Variants in TPBG observed in about 807,000 individuals in gnomAD.
TPBG encodes 5T4 oncofetal antigen.
TPBG carries 13 observed loss-of-function variants against 19.3 expected under a neutral mutation model. The observed-to-expected ratio is 0.67, with a 90% confidence interval of 0.44 to 1.07. The LOEUF (loss-of-function observed/expected upper bound fraction) is 1.07. TPBG is among the 50% of genes least tolerant of loss of function. TPBG has a pLI of 0.00. For missense variants in TPBG, 642 were observed against 559.6 expected, an observed-to-expected ratio of 1.15 and a Z score of -1.49; for synonymous variants, 338 against 259.8, an observed-to-expected ratio of 1.30 and a Z score of -2.89.
chr6:82,365,543 C>A lies in TPBG; in HGVS notation c.582C>A (p.Ser194Arg). 6.3e-7 allele frequency: 1 copy of A among 1,575,182 alleles called. No homozygotes were observed. Among genetic ancestry groups the A allele is most frequent in the Non-Finnish European group, 8.6e-7 (1 of 1,162,200 alleles). The change falls in exon 2 of 2, where the codon AGC (serine) becomes AGA (arginine). Residue 194 changes from serine to arginine, a missense_variant. Coordinates refer to ENST00000369750, the MANE Select transcript of TPBG (RefSeq NM_001376922.1). ...CTGAAGATGAGCGGCAGAACCGGAG[C>A]TTCGAGGGCATGGTGGTGGCGGCCC... ...VPPEDERQNR[S>R]FEGMVVAALL...
chr6:82,366,155 GT>G lies in TPBG; in HGVS notation c.1195del (p.Tyr399IlefsTer13). On this transcript the variant is annotated frameshift_variant, in exon 2 of 2. Transcript: ENST00000369750. LOFTEE classifies it high-confidence loss of function. ...RDACRDHMEGYHYRYEINADP... is the reference protein window; with the variant it reads ...RDACRDHMEGXHYRYEINADP... ...ATGCCTGCAGGGATCACATGGAAGGGTATCATTACAGATATGAAATCAATGC... is the reference window on the plus strand; with the variant it reads ...ATGCCTGCAGGGATCACATGGAAGGGATCATTACAGATATGAAATCAATGC... 8 of 1,613,376 alleles carry G rather than the reference GT, an allele frequency of 5.0e-6. No homozygotes were observed. Among genetic ancestry groups the G allele is most frequent in the Non-Finnish European group, 6.8e-6 (8 of 1,179,738 alleles).
upstream of TPBG, chr6:82,363,329 G>C (rs1417097227): frequency 6.6e-6 from 1 of 151,984 alleles, no homozygotes; most frequent in Non-Finnish European, 1.5e-5. Context: ...TGAAGTTTGC[G>C]GCCTCAAGTA....
chr6:82,366,291 G>T lies in TPBG; in HGVS notation c.*67G>T. Reference sequence around the variant, plus strand: ...GTAGACTTAAGCTTTATCCCTACTAGGCTTGCTCCACTTTCATCCTCCACT... The same window carrying T: ...GTAGACTTAAGCTTTATCCCTACTATGCTTGCTCCACTTTCATCCTCCACT... On this transcript the variant is annotated 3_prime_UTR_variant, in exon 2 of 2. Transcript: ENST00000369750. 1 of 1,498,240 alleles carries T rather than the reference G, an allele frequency of 6.7e-7. No individual in the cohort carries two copies. The highest frequency in any genetic ancestry group is 8.9e-7 in the Non-Finnish European group (1 of 1,120,260). The allele number at this position is 1,498,240 out of a possible 1,614,324, so 92.8% of individuals were successfully genotyped here.
In TPBG at chr6:82,366,759, G is replaced by C. The variant is rs1315544684; in HGVS notation, c.*535G>C. 6.0e-6 allele frequency: 1 copy of C among 166,980 alleles called. No homozygotes were observed. The highest frequency in any genetic ancestry group is 2.4e-5 in the African/African-American group (1 of 41,398). 10.3% of individuals were successfully genotyped at this position (166,980 alleles called of 1,614,324 possible). The stretch of plus-strand genomic sequence containing the variant: ...TCCAAGAGCATGCTTACATTTTACT[G>C]TTCTGCATATTACAAAAAATAACTT... On this transcript the variant is annotated 3_prime_UTR_variant, in exon 2 of 2. Coordinates refer to ENST00000369750, the MANE Select transcript of TPBG (RefSeq NM_001376922.1).
In TPBG at chr6:82,365,082, T is replaced by G. The variant is rs371857715; in HGVS notation, c.121T>G (p.Phe41Val). The G allele has an allele frequency of 6.4e-7, 1 of 1,564,588 alleles. No individual in the cohort carries two copies. ...TTCTCCCACCTCCTCGGCATCCTCC[T>G]TCTCCTCCTCGGCGCCGTTCCTGGC... ...SSSPTSSASS[F>V]SSSAPFLASA... The change falls in exon 2 of 2, where the codon TTC becomes GTC. Residue 41 changes from phenylalanine (F) to valine (V), a missense_variant. Transcript: ENST00000369750.
rs1339275840 is a variant in TPBG at position 82,364,798 on chromosome 6, AGGGGGTTAGCCAAGTTCC to A, written c.-161_-144del. 2 of 549,226 alleles carry A rather than the reference AGGGGGTTAGCCAAGTTCC, an allele frequency of 3.6e-6. No individual in the cohort carries two copies. The highest frequency in any genetic ancestry group is 4.0e-5 in the African/African-American group (2 of 49,910). The allele number at this position is 549,226 out of a possible 1,614,324, so 34.0% of individuals were successfully genotyped here. On this transcript the variant is annotated 5_prime_UTR_variant, in exon 2 of 2. Coordinates refer to ENST00000369750, the MANE Select transcript of TPBG (RefSeq NM_001376922.1). ...CCCCTGAGGGAAGCGCCCGGTGGCG[AGGGGGTTAGCCAAGTTCC>A]GGCTGCGGCGCCACTCCCTCGGTTC...
At chr6:82,364,237 C>G (rs1163651088) in intron 1 of TPBG, 1 of 152,388 alleles carries the variant, frequency 6.6e-6, no homozygotes, top group Non-Finnish European at 1.5e-5. Context: ...TGGGCGGGGG[C>G]GGAGACACCC....
Position 82,364,888 on chromosome 6 carries a change from C to A in TPBG, c.-74C>A. The A allele has an allele frequency of 8.0e-7, 1 of 1,252,466 alleles. No individual in the cohort carries two copies. The highest frequency in any genetic ancestry group is 2.1e-5 in the South Asian group (1 of 47,984). The allele number at this position is 1,252,466 out of a possible 1,614,324, so 77.6% of individuals were successfully genotyped here. A position where few individuals can be genotyped will look rare whatever the true frequency, so the allele number is the denominator to read the frequency against. ...TTCCAGACGCTTCCGCCGGCTCGCG[C>A]CCTCCGGGCCCAGCCTCCCGAGCCT... On this transcript the variant is annotated 5_prime_UTR_variant, in exon 2 of 2. Transcript: ENST00000369750.
chr6:82,363,983 G>A (rs1407208852), intron 1 of TPBG, 75 bp downstream of exon 1: 2 of 152,548 alleles, frequency 1.3e-5, no homozygotes, highest in Non-Finnish European at 2.9e-5. Context: ...CTCGGGTGGA[G>A]AGTAGGGTTG....
chr6:82,366,018 C>G lies in TPBG; in HGVS notation c.1057C>G (p.Gln353Glu). The stretch of plus-strand genomic sequence containing the variant: ...TGACCCGATTCTTCCCCCATCCCTG[C>G]AAACCTCTTATGTCTTCCTGGGTAT... ...DCDPILPPSL[Q>E]TSYVFLGIVL... The change falls in exon 2 of 2, where the codon CAA (glutamine) becomes GAA (glutamate). Residue 353 changes from glutamine (Q) to glutamate (E), a missense_variant. Gln to Glu is a conservative substitution (Grantham distance 29, BLOSUM62 2). Coordinates refer to ENST00000369750, the MANE Select transcript of TPBG (RefSeq NM_001376922.1). The G allele has an allele frequency of 6.2e-7, 1 of 1,613,756 alleles. No homozygotes were observed. Among genetic ancestry groups the G allele is most frequent in the South Asian group, 1.1e-5 (1 of 91,014 alleles).
Position 82,366,420 on chromosome 6 carries a change from G to T in TPBG, c.*196G>T. On this transcript the variant is annotated 3_prime_UTR_variant, in exon 2 of 2. Transcript: ENST00000369750. ...TTAATGTAAGACGATGAACAGTTGT[G>T]TATAGTGTTTTACCCTCTTCTTTTT... 1.6e-6 allele frequency: 1 copy of T among 612,746 alleles called. No homozygotes were observed. Among genetic ancestry groups the T allele is most frequent in the Non-Finnish European group, 2.7e-6 (1 of 367,560 alleles). The allele number at this position is 612,746 out of a possible 1,614,324, so 38.0% of individuals were successfully genotyped here. A position where few individuals can be genotyped will look rare whatever the true frequency, so the allele number is the denominator to read the frequency against.
chr6:82,364,998 G>C lies in TPBG; in HGVS notation c.37G>C (p.Asp13His), dbSNP rs1436780882. 1 of 1,529,906 alleles carries C rather than the reference G, an allele frequency of 6.5e-7. No individual in the cohort carries two copies. Among genetic ancestry groups the C allele is most frequent in the Non-Finnish European group, 8.8e-7 (1 of 1,139,396 alleles). The allele number at this position is 1,529,906 out of a possible 1,614,324, so 94.8% of individuals were successfully genotyped here. The change falls in exon 2 of 2, where the codon GAC becomes CAC. Residue 13 changes from aspartate to histidine, a missense_variant. By Grantham distance (81) the Asp-to-His change is moderately conservative. Coordinates refer to ENST00000369750, the MANE Select transcript of TPBG (RefSeq NM_001376922.1). ...GTGCTCCCGGGGCCCCGCCGCCGGG[G>C]ACGGGCGTCTGCGGCTGGCGCGACT... ...GGCSRGPAAG[D>H]GRLRLARLAL...
At position 82,366,907 on chromosome 6, in the gene TPBG, A is replaced by T. The variant is rs1164281304; in HGVS notation, c.*683A>T. ...AACCGACTGAATTGTTAAAAAAAAA[A>T]AAAATAAAGATTCTTAAAAGAATTA... On this transcript the variant is annotated 3_prime_UTR_variant, in exon 2 of 2. Coordinates refer to ENST00000369750, the MANE Select transcript of TPBG (RefSeq NM_001376922.1). 1.2e-5 allele frequency: 2 copies of T among 166,906 alleles called. No individual in the cohort carries two copies. The highest frequency in any genetic ancestry group is 2.4e-5 in the African/African-American group (1 of 41,416). 10.3% of individuals were successfully genotyped at this position (166,906 alleles called of 1,614,324 possible). A position where few individuals can be genotyped will look rare whatever the true frequency, so the allele number is the denominator to read the frequency against.
chr6:82,363,312 C>G (rs1457464729), upstream of TPBG: 1 of 151,972 alleles, frequency 6.6e-6, no homozygotes, highest in Non-Finnish European at 1.5e-5. Context: ...TTAATTACAC[C>G]TAAATCTGAA....
chr6:82,364,781 G>A lies in TPBG; in HGVS notation c.-181G>A, dbSNP rs1767427535. The stretch of plus-strand genomic sequence containing the variant: ...AGGGGCGGGGGAATCGGCCCCTGAG[G>A]GAAGCGCCCGGTGGCGAGGGGGTTA... On this transcript the variant is annotated 5_prime_UTR_variant, in exon 2 of 2. Transcript: ENST00000369750. 3 of 511,016 alleles carry A rather than the reference G, an allele frequency of 5.9e-6. No individual in the cohort carries two copies. The highest frequency in any genetic ancestry group is 9.8e-6 in the Non-Finnish European group (3 of 306,278). 31.7% of individuals were successfully genotyped at this position (511,016 alleles called of 1,614,324 possible). A position where few individuals can be genotyped will look rare whatever the true frequency, so the allele number is the denominator to read the frequency against.
At position 82,364,789 on chromosome 6, in the gene TPBG, C is replaced by G. The variant is rs1767427807; in HGVS notation, c.-173C>G. The G allele has an allele frequency of 1.9e-6, 1 of 527,896 alleles. No individual in the cohort carries two copies. The highest frequency in any genetic ancestry group is 3.8e-5 in the South Asian group (1 of 26,616). 32.7% of individuals were successfully genotyped at this position (527,896 alleles called of 1,614,324 possible). A position where few individuals can be genotyped will look rare whatever the true frequency, so the allele number is the denominator to read the frequency against. On this transcript the variant is annotated 5_prime_UTR_variant, in exon 2 of 2. Transcript: ENST00000369750. Reference sequence around the variant, plus strand: ...GGGAATCGGCCCCTGAGGGAAGCGCCCGGTGGCGAGGGGGTTAGCCAAGTT... The same window carrying G: ...GGGAATCGGCCCCTGAGGGAAGCGCGCGGTGGCGAGGGGGTTAGCCAAGTT...
In TPBG at chr6:82,365,583, G is replaced by A. The variant is rs757184051; in HGVS notation, c.622G>A (p.Ala208Thr). 15 of 1,593,164 alleles carry A rather than the reference G, an allele frequency of 9.4e-6. No individual in the cohort carries two copies. The highest frequency in any genetic ancestry group is 1.2e-5 in the Non-Finnish European group (14 of 1,170,274). ...MVVAALLAGR[A>T]LQGLRRLELA... The stretch of plus-strand genomic sequence containing the variant: ...GGTGGCGGCCCTGCTGGCGGGCCGT[G>A]CACTGCAGGGGCTCCGCCGCTTGGA... Residue 208 changes from alanine (A) to threonine (T), a missense_variant, in exon 2 of 2, where the codon GCA (alanine) becomes ACA (threonine). Coordinates refer to ENST00000369750, the MANE Select transcript of TPBG (RefSeq NM_001376922.1).
chr6:82,364,755 A>C lies in TPBG; in HGVS notation c.-207A>C, dbSNP rs1767425753. 2 of 462,136 alleles carry C rather than the reference A, an allele frequency of 4.3e-6. No individual in the cohort carries two copies. Among genetic ancestry groups the C allele is most frequent in the African/African-American group, 4.1e-5 (2 of 48,618 alleles). The allele number at this position is 462,136 out of a possible 1,614,324, so 28.6% of individuals were successfully genotyped here. On this transcript the variant is annotated 5_prime_UTR_variant, in exon 2 of 2. Coordinates refer to ENST00000369750, the MANE Select transcript of TPBG (RefSeq NM_001376922.1). Reference sequence around the variant, plus strand: ...CCCGCCGTGCGTACTTTCTGGAGGGAAGGGGCGGGGGAATCGGCCCCTGAG... The same window carrying C: ...CCCGCCGTGCGTACTTTCTGGAGGGCAGGGGCGGGGGAATCGGCCCCTGAG...
Position 82,365,141 on chromosome 6 carries a change from C to A in TPBG, c.180C>A (p.Asp60Glu), listed in dbSNP as rs758049755. The A allele has an allele frequency of 6.2e-7, 1 of 1,605,014 alleles. No individual in the cohort carries two copies. Among genetic ancestry groups the A allele is most frequent in the Non-Finnish European group, 8.5e-7 (1 of 1,176,494 alleles). Residue 60 changes from aspartate to glutamate, a missense_variant, in exon 2 of 2, where the codon GAC becomes GAA. By Grantham distance (45) the Asp-to-Glu change is conservative (BLOSUM62 2). Transcript: ENST00000369750. ...SAVSAQPPLP[D>E]QCPALCECSE... is the part of the protein sequence containing the mutation. ...TGTCCGCCCAGCCCCCGCTGCCGGA[C>A]CAGTGCCCCGCGCTGTGCGAGTGCT...
Sources: allele counts gnomAD v4.1 joint callset, GRCh38; gene constraint gnomAD v4.1.1; transcripts MANE v1.5; gene names NCBI Gene and HGNC (gene_info 2026-07-23, HGNC 2026-07-21).